Variants in HEXB observed in about 807,000 individuals in gnomAD.
HEXB encodes hexosaminidase subunit beta.
A neutral mutation model predicts 71.2 loss-of-function variants in HEXB; 51 were observed. The ratio of observed to expected loss-of-function variants is 0.72; its 90% CI spans 0.57 to 0.90. HEXB has a LOEUF of 0.90. Ranked by LOEUF, HEXB falls within the 40% of genes least tolerant of loss-of-function variation. The probability of loss-of-function intolerance (pLI) is 0.00; values close to 1 mark genes in which losing one functional copy is unlikely to be tolerated. For synonymous variants in HEXB, 266 were observed against 249.3 expected, an observed-to-expected ratio of 1.07 and a Z score of -0.63; for missense variants, 617 against 677.0, an observed-to-expected ratio of 0.91 and a Z score of 0.98.
chr5:74,655,242 A>T (rs1456087293), intron 1 of HEXB, among the ~76,000 whole-genome samples: 1 of 152,156 alleles, frequency 6.6e-6, no homozygotes, highest in Non-Finnish European at 1.5e-5. Flanking sequence ...CGATAAGAAC[A>T]TCAAGCTTTT....
At chr5:74,679,462 GT>G (rs111436772) in intron 1 of HEXB, among the ~76,000 whole-genome samples, 7,611 of 152,234 alleles carry the variant, frequency 0.05, 372 homozygotes, top group African/African-American at 0.13. Flanking sequence ...GCCAGCTAGT[GT>G]TCAGGGTGAC....
At chr5:74,665,643 A>G (rs760174687) in intron 1 of HEXB, among the ~76,000 whole-genome samples, 3 of 152,254 alleles carry the variant, frequency 2.0e-5, no homozygotes, top group Admixed American at 6.5e-5. Context: ...TGATGAAATC[A>G]TATCTTCAGA....
At chr5:74,689,671 T>C (rs1219298411) in intron 2 of HEXB, 198 bp downstream of exon 2, 3 of 600,926 alleles carry the variant, frequency 5.0e-6, no homozygotes, top group East Asian at 2.8e-5. Flanking sequence ...GTACAGTAAG[T>C]GCAGAAGAAG....
intron 1 of HEXB, among the ~76,000 whole-genome samples, chr5:74,668,450 G>A (rs753152246): frequency 3.9e-5 from 6 of 152,138 alleles, no homozygotes; most frequent in East Asian, 1.9e-4. Context: ...CCTGGCCCCC[G>A]TGGCAAGAGA....
At chr5:74,645,358 T>C (rs1276023225) in intron 1 of HEXB, among the ~76,000 whole-genome samples, 1 of 152,184 alleles carries the variant, frequency 6.6e-6, no homozygotes, top group African/African-American at 2.4e-5. Context: ...GGTGCCATGG[T>C]ACCTGGCTCC....
chr5:74,685,274 G>A lies in HEXB; in HGVS notation c.14G>A (p.Gly5Glu), dbSNP rs1400667054. The change falls in exon 1 of 14, where the codon GGG becomes GAG. Residue 5 changes from glycine (G) to glutamate (E), a missense_variant. Transcript: ENST00000261416. ...AGCCGAGCGGCCATGGAGCTGTGCG[G>A]GCTGGGGCTGCCCCGGCCGCCCATG... is the stretch of plus-strand genomic sequence containing the variant. MELC[G>E]LGLPRPPMLL... 13 of 1,540,336 alleles carry A rather than the reference G, an allele frequency of 8.4e-6. No homozygotes were observed. The highest frequency in any genetic ancestry group is 1.1e-5 in the Non-Finnish European group (13 of 1,148,822).
At chr5:74,671,174 A>C (rs2112102591) in intron 1 of HEXB, among the ~76,000 whole-genome samples, 1 of 152,318 alleles carries the variant, frequency 6.6e-6, no homozygotes, top group South Asian at 2.1e-4. Context: ...GAGTACTGGC[A>C]ACAAAGTGTT....
At chr5:74,671,264 T>C (rs796431158) in intron 1 of HEXB, among the ~76,000 whole-genome samples, 42 of 152,204 alleles carry the variant, frequency 2.8e-4, no homozygotes, top group African/African-American at 1.0e-3. Flanking sequence ...AACCCTTGAG[T>C]ACTGGAAACA....
At chr5:74,697,207 A>G (rs1291713837) in intron 5 of HEXB, 101 bp downstream of exon 5, 2 of 717,472 alleles carry the variant, frequency 2.8e-6, no homozygotes, top group East Asian at 2.7e-5. Context: ...GAACAGGGGA[A>G]TTTGTATAAG....
chr5:74,694,036 A>G (rs1265193530), intron 3 of HEXB, among the ~76,000 whole-genome samples: 1 of 152,160 alleles, frequency 6.6e-6, no homozygotes, highest in Non-Finnish European at 1.5e-5. Context: ...GTGTGGACCT[A>G]TAGTCCCAGC....
At chr5:74,664,114 G>C (rs1748386213) in intron 1 of HEXB, among the ~76,000 whole-genome samples, 1 of 152,120 alleles carries the variant, frequency 6.6e-6, no homozygotes, top group Non-Finnish European at 1.5e-5. Context: ...AAATTAGCTG[G>C]GTGTGGTGGC....
intron 5 of HEXB, 31 bp downstream of exon 5, chr5:74,697,137 C>G (rs772381958): frequency 9.8e-7 from 1 of 1,017,578 alleles, no homozygotes. Flanking sequence ...AATCTGTTGT[C>G]TATTCTGAAG....
At chr5:74,695,805 C>T (rs966371672) in intron 3 of HEXB, among the ~76,000 whole-genome samples, 1 of 147,436 alleles carries the variant, frequency 6.8e-6, no homozygotes, top group Non-Finnish European at 1.5e-5. Context: ...CGCGCCACTG[C>T]ACTCCGTCCT....
chr5:74,675,707 C>T (rs926284689), intron 1 of HEXB, among the ~76,000 whole-genome samples: 2 of 152,108 alleles, frequency 1.3e-5, no homozygotes, highest in African/African-American at 4.8e-5. Flanking sequence ...GGGGAACAAG[C>T]CATTGAAATG....
intron 1 of HEXB, among the ~76,000 whole-genome samples, chr5:74,672,482 C>T (rs1038089946): frequency 1.3e-5 from 2 of 152,212 alleles, no homozygotes; most frequent in Non-Finnish European, 2.9e-5. Flanking sequence ...GTCAGATCCA[C>T]AGCCTCTGAA....
intron 2 of HEXB, among the ~76,000 whole-genome samples, chr5:74,691,548 T>C (rs545328930): frequency 6.6e-6 from 1 of 152,232 alleles, no homozygotes; most frequent in African/African-American, 2.4e-5. Context: ...AACTGCTGAG[T>C]TGAACAAAGG....
At chr5:74,715,726 AAAAAG>A in intron 8 of HEXB, 36 bp downstream of exon 8, 1 of 1,466,444 alleles carries the variant, frequency 6.8e-7, no homozygotes, top group Non-Finnish European at 9.5e-7. Context: ...TAAAAAAAAA[AAAAAG>A]AGAGGCTGGG....
At chr5:74,698,079 T>TTA (rs1366045739) in intron 5 of HEXB, among the ~76,000 whole-genome samples, 1 of 151,160 alleles carries the variant, frequency 6.6e-6, no homozygotes, top group Non-Finnish European at 1.5e-5. Flanking sequence ...ATTATTATTA[T>TTA]TTATTTATTT....
In HEXB at chr5:74,715,578, CCTACT is replaced by C; in HGVS notation, c.973_977del (p.Thr325GlufsTer15). On this transcript the variant is annotated frameshift_variant, in exon 8 of 14. Transcript: ENST00000261416. LOFTEE classifies it high-confidence loss of function. ...GTTGGACTCTTTTGGACCTATAAACCCTACTCTGAATACAACATACAGCTTCCTTA... is the reference window on the plus strand; with the variant it reads ...GTTGGACTCTTTTGGACCTATAAACCCTGAATACAACATACAGCTTCCTTA... 1.9e-6 allele frequency: 3 copies of C among 1,611,190 alleles called. No homozygotes were observed. The highest frequency in any genetic ancestry group is 2.5e-6 in the Non-Finnish European group (3 of 1,177,460).
Sources: allele counts gnomAD v4.1 joint callset (sites outside exome capture counted in the v4.1 genomes callset), GRCh38; gene constraint gnomAD v4.1.1; transcripts MANE v1.5; gene names NCBI Gene and HGNC (gene_info 2026-07-23, HGNC 2026-07-21).